Variants in PRKG1 observed in about 807,000 individuals in gnomAD.
The protein encoded by PRKG1 is protein kinase cGMP-dependent 1.
PRKG1 carries 35 observed loss-of-function variants against 88.1 expected under a neutral mutation model. The observed-to-expected ratio is 0.40, with a 90% confidence interval of 0.30 to 0.53. The LOEUF (loss-of-function observed/expected upper bound fraction) is 0.53, where lower values mean the gene tolerates loss of function less well. Ranked by LOEUF, PRKG1 falls within the 20% of genes least tolerant of loss-of-function variation. The pLI, the probability that PRKG1 is intolerant of heterozygous loss-of-function variation, is 0.59. For synonymous variants in PRKG1, 303 were observed against 292.5 expected, an observed-to-expected ratio of 1.04 and a Z score of -0.37; for missense variants, 540 against 839.8, an observed-to-expected ratio of 0.64 and a Z score of 4.41.
At chr10:52,272,003 T>C (rs995559559) in intron 11 of PRKG1, among the ~76,000 whole-genome samples, 1 of 152,070 alleles carries the variant, frequency 6.6e-6, no homozygotes, top group African/African-American at 2.4e-5. Flanking sequence ...GCGAATAGCA[T>C]ATGAAATTTA....
At chr10:51,083,192 A>G (rs1412418158) in intron 1 of PRKG1, among the ~76,000 whole-genome samples, 2 of 152,168 alleles carry the variant, frequency 1.3e-5, no homozygotes, top group Non-Finnish European at 2.9e-5. Context: ...TTACCTGTTA[A>G]GGACCTGGGG....
At chr10:52,049,747 A>T (rs1845943017) in intron 5 of PRKG1, among the ~76,000 whole-genome samples, 1 of 152,074 alleles carries the variant, frequency 6.6e-6, no homozygotes, top group African/African-American at 2.4e-5. Flanking sequence ...CCTTTCTAAT[A>T]GACTGACTGT....
intron 2 of PRKG1, among the ~76,000 whole-genome samples, chr10:51,334,992 C>T (rs1008458227): frequency 7.0e-6 from 1 of 142,314 alleles, no homozygotes; most frequent in African/African-American, 2.6e-5. Flanking sequence ...TTTTTCCTGT[C>T]AGGTTTCTTT....
intron 3 of PRKG1, among the ~76,000 whole-genome samples, chr10:51,586,235 A>G (rs538036264): frequency 6.6e-6 from 1 of 152,316 alleles, no homozygotes; most frequent in East Asian, 1.9e-4. Flanking sequence ...TAATTTGTTC[A>G]GCTATAGGGA....
intron 1 of PRKG1, among the ~76,000 whole-genome samples, chr10:51,039,886 G>A (rs995374902): frequency 6.6e-6 from 1 of 152,122 alleles, no homozygotes; most frequent in Non-Finnish European, 1.5e-5. Context: ...ATTCACTGTA[G>A]ATGTATGGAT....
At chr10:52,215,993 T>C (rs540348872) in intron 9 of PRKG1, among the ~76,000 whole-genome samples, 13 of 152,210 alleles carry the variant, frequency 8.5e-5, no homozygotes, top group Admixed American at 5.2e-4. Flanking sequence ...TCAAGAAACA[T>C]AAAGTGGCTA....
intron 5 of PRKG1, among the ~76,000 whole-genome samples, chr10:51,972,713 C>G (rs939792975): frequency 3.3e-5 from 5 of 152,170 alleles, no homozygotes; most frequent in African/African-American, 9.7e-5. Flanking sequence ...TCCCTTACTT[C>G]TAGTTACCCA....
At chr10:51,599,863 C>T (rs1838553145) in intron 3 of PRKG1, among the ~76,000 whole-genome samples, 1 of 152,080 alleles carries the variant, frequency 6.6e-6, no homozygotes, top group Admixed American at 6.5e-5. Context: ...CTACAAAATG[C>T]TGTTTTATTT....
intron 3 of PRKG1, among the ~76,000 whole-genome samples, chr10:51,717,598 G>A (rs1367279210): frequency 6.6e-6 from 1 of 152,118 alleles, no homozygotes; most frequent in Non-Finnish European, 1.5e-5. Context: ...TTGGGAGGCT[G>A]AGGTGGGCAG....
intron 2 of PRKG1, among the ~76,000 whole-genome samples, chr10:51,376,036 C>A (rs1191293552): frequency 1.3e-5 from 2 of 152,116 alleles, no homozygotes; most frequent in East Asian, 3.9e-4. Flanking sequence ...AGAAAATTTG[C>A]AAACCGACAA....
At chr10:51,012,035 AG>A (rs1217674184) in intron 1 of PRKG1, among the ~76,000 whole-genome samples, 1 of 152,216 alleles carries the variant, frequency 6.6e-6, no homozygotes, top group African/African-American at 2.4e-5. Context: ...CACTATCACA[AG>A]AACAGCACAG....
intron 9 of PRKG1, among the ~76,000 whole-genome samples, chr10:52,164,157 C>T (rs571132022): frequency 1.3e-5 from 2 of 152,130 alleles, no homozygotes; most frequent in African/African-American, 2.4e-5. Flanking sequence ...TTGAGACCAG[C>T]CTGGCCAACA....
intron 1 of PRKG1, among the ~76,000 whole-genome samples, chr10:51,142,890 C>T (rs541021708): frequency 2.6e-4 from 39 of 152,118 alleles, no homozygotes; most frequent in African/African-American, 9.4e-4. Flanking sequence ...TTATCATGTA[C>T]AATATGATGT....
intron 1 of PRKG1, among the ~76,000 whole-genome samples, chr10:51,080,528 C>G (rs1302038717): frequency 6.6e-6 from 1 of 152,182 alleles, no homozygotes; most frequent in Non-Finnish European, 1.5e-5. Context: ...TCTGCCATCT[C>G]TACCATAGGT....
chr10:51,804,731 C>A lies in PRKG1; in HGVS notation c.698+41C>A. On this transcript the variant is annotated intron_variant, in intron 4 of 17. Transcript: ENST00000373980. Reference sequence around the variant, plus strand: ...TTCTCTTGTGAGAGTGTTTACTTTCCTTTTAGCCCTATTATCTGAAATGCA... The same window carrying A: ...TTCTCTTGTGAGAGTGTTTACTTTCATTTTAGCCCTATTATCTGAAATGCA... 1.0e-5 allele frequency: 14 copies of A among 1,390,356 alleles called. 1 individual carries two copies. The highest frequency in any genetic ancestry group is 1.4e-5 in the Non-Finnish European group (14 of 982,616). 86.1% of individuals were successfully genotyped at this position (1,390,356 alleles called of 1,614,324 possible). A position where few individuals can be genotyped will look rare whatever the true frequency, so the allele number is the denominator to read the frequency against.
At chr10:51,280,709 G>C (rs55923977) in intron 2 of PRKG1, among the ~76,000 whole-genome samples, 1 of 152,174 alleles carries the variant, frequency 6.6e-6, no homozygotes, top group Non-Finnish European at 1.5e-5. Context: ...ATGGTTTTCA[G>C]CTGCATCAGG....
At chr10:52,211,699 T>TAAAA (rs57320498) in intron 9 of PRKG1, among the ~76,000 whole-genome samples, 1 of 119,956 alleles carries the variant, frequency 8.3e-6, no homozygotes, top group African/African-American at 3.1e-5. Flanking sequence ...CCTATCCTGG[T>TAAAA]AAAAAAAAAA....
intron 10 of PRKG1, among the ~76,000 whole-genome samples, chr10:52,270,330 G>C (rs963811874): frequency 1.3e-5 from 2 of 152,054 alleles, no homozygotes; most frequent in Non-Finnish European, 2.9e-5. Flanking sequence ...CACAGATCTA[G>C]AACTAGAAAT....
intron 5 of PRKG1, among the ~76,000 whole-genome samples, chr10:52,003,450 A>G (rs1389554290): frequency 2.6e-5 from 4 of 152,342 alleles, no homozygotes; most frequent in Admixed American, 1.3e-4. Flanking sequence ...GAGGGAAACA[A>G]CTTGGCTATG....
Sources: allele counts gnomAD v4.1 joint callset (sites outside exome capture counted in the v4.1 genomes callset), GRCh38; gene constraint gnomAD v4.1.1; transcripts MANE v1.5; gene names NCBI Gene and HGNC (gene_info 2026-07-23, HGNC 2026-07-21).